The following CNTNAP5 variants were observed in gnomAD, a reference collection of about 807,000 sequenced individuals.
The protein encoded by CNTNAP5 is contactin associated protein family member 5, also known as contactin-associated protein-like 5.
In CNTNAP5, 72 loss-of-function variants were observed where a neutral mutation model predicts 150.2. The ratio of observed to expected loss-of-function variants is 0.48; its 90% CI spans 0.40 to 0.58. CNTNAP5 has a LOEUF of 0.58. Ranked by LOEUF, CNTNAP5 falls within the 20% of genes least tolerant of loss-of-function variation. CNTNAP5 has a pLI of 0.00. For missense variants in CNTNAP5, 1,636 were observed against 1,626.2 expected (o/e 1.01, Z -0.10); for synonymous variants, 672 against 619.8 (o/e 1.08, Z -1.25).
chr2:124,085,193 T>C (rs898883503), intron 1 of CNTNAP5, among the ~76,000 whole-genome samples: 5 of 152,186 alleles, frequency 3.3e-5, no homozygotes, highest in African/African-American at 1.2e-4. Flanking sequence ...GTGCTGGGAT[T>C]ATAGGCATGA....
chr2:124,527,258 T>A (rs529698269), intron 9 of CNTNAP5, 27 bp from the exon 10 acceptor site: 1 of 1,601,096 alleles, frequency 6.2e-7, no homozygotes, highest in African/African-American at 1.3e-5. Context: ...TCAGCATTCT[T>A]CTTCATCTTT....
chr2:124,184,637 A>C (rs1685289594), intron 1 of CNTNAP5, among the ~76,000 whole-genome samples: 1 of 152,190 alleles, frequency 6.6e-6, no homozygotes, highest in Non-Finnish European at 1.5e-5. Context: ...ACCTATTAAA[A>C]TCTGCATTCA....
intron 3 of CNTNAP5, among the ~76,000 whole-genome samples, chr2:124,384,204 C>G (rs1396812238): frequency 3.9e-5 from 6 of 152,234 alleles, no homozygotes; most frequent in African/African-American, 1.4e-4. Flanking sequence ...TAATGAAGGT[C>G]AGATTTTTAT....
intron 12 of CNTNAP5, among the ~76,000 whole-genome samples, chr2:124,621,923 A>G (rs1677622982): frequency 6.6e-6 from 1 of 152,168 alleles, no homozygotes; most frequent in South Asian, 2.1e-4. Flanking sequence ...CTCCTTGCAG[A>G]TTCCTGTTTG....
chr2:124,598,677 T>C (rs1384581275), intron 11 of CNTNAP5, among the ~76,000 whole-genome samples: 3 of 151,610 alleles, frequency 2.0e-5, no homozygotes, highest in Admixed American at 6.6e-5. Flanking sequence ...TCCACCCAGT[T>C]TGAGCTTCCC....
Position 124,211,837 on chromosome 2 carries a change from C to A in CNTNAP5, c.83-9868C>A, listed in dbSNP as rs60733522. Among the ~76,000 whole-genome samples the A allele has an allele frequency of 8.2e-3, 1,244 of 152,172 alleles. 16 individuals carry two copies. Among genetic ancestry groups the A allele is most frequent in the African/African-American group, 0.023 (939 of 41,520 alleles). The stretch of plus-strand genomic sequence containing the variant: ...TAGAATCATTATGCCTAGACCCATG[C>A]AAGATGAAAAAGGTTTATGAATGTG... On this transcript the variant is annotated intron_variant, in intron 1 of 23. Coordinates refer to ENST00000682447, the MANE Select transcript of CNTNAP5 (RefSeq NM_001367498.1).
chr2:124,916,018 A>C lies in CNTNAP5; in HGVS notation c.*1730A>C, dbSNP rs1413213409. ...ACATTCCAACTTGTGCTTAGGGTAC[A>C]CTGTCTCTCGCCTCTCACAATGAGG... is the stretch of plus-strand genomic sequence containing the variant. On this transcript the variant is annotated 3_prime_UTR_variant, in exon 24 of 24. Transcript: ENST00000682447. 6.6e-6 allele frequency among the ~76,000 whole-genome samples: 1 copy of C among 152,058 alleles called. No individual in the cohort carries two copies. Among genetic ancestry groups the C allele is most frequent in the Non-Finnish European group, 1.5e-5 (1 of 67,984 alleles).
At chr2:124,444,145 C>T (rs549590803) in intron 5 of CNTNAP5, among the ~76,000 whole-genome samples, 106 of 152,138 alleles carry the variant, frequency 7.0e-4, no homozygotes, top group African/African-American at 2.5e-3. Context: ...GAGGCCACCT[C>T]CTGCCAACGC....
chr2:124,809,331 T>A (rs78090562), intron 19 of CNTNAP5, among the ~76,000 whole-genome samples: 3,176 of 152,188 alleles, frequency 0.021, 108 homozygotes, highest in African/African-American at 0.072. Flanking sequence ...AACAACATAA[T>A]ATCTTCAGCT....
intron 11 of CNTNAP5, among the ~76,000 whole-genome samples, chr2:124,599,751 G>C (rs1226371680): frequency 6.6e-6 from 1 of 151,994 alleles, no homozygotes; most frequent in Non-Finnish European, 1.5e-5. Context: ...TTTGTTTTTG[G>C]AGATGGAGTA....
chr2:124,270,468 C>T lies in CNTNAP5; in HGVS notation c.381+28075C>T, dbSNP rs147996621. ...TGAGGATGAAATGACAAAAATAAAG[C>T]TCCTAGGTCAGGGGCTGGCAGGAGG... On this transcript the variant is annotated intron_variant, in intron 3 of 23. Coordinates refer to ENST00000682447, the MANE Select transcript of CNTNAP5 (RefSeq NM_001367498.1). 5.9e-4 allele frequency among the ~76,000 whole-genome samples: 90 copies of T among 152,268 alleles called. 3 individuals carry two copies. The highest frequency in any genetic ancestry group is 2.7e-3 in the Admixed American group (42 of 15,290).
intron 3 of CNTNAP5, among the ~76,000 whole-genome samples, chr2:124,373,383 A>C (rs1690575667): frequency 1.3e-5 from 2 of 152,170 alleles, no homozygotes; most frequent in South Asian, 4.1e-4. Context: ...GGGAATTATA[A>C]AAGAAACAGA....
chr2:124,826,522 T>C (rs1682595951), intron 19 of CNTNAP5, among the ~76,000 whole-genome samples: 1 of 152,126 alleles, frequency 6.6e-6, no homozygotes, highest in South Asian at 2.1e-4. Flanking sequence ...AGAATAAGTT[T>C]CCCTCTTCTC....
At chr2:124,861,576 A>G (rs1435968676) in intron 19 of CNTNAP5, among the ~76,000 whole-genome samples, 1 of 152,058 alleles carries the variant, frequency 6.6e-6, no homozygotes, top group Non-Finnish European at 1.5e-5. Flanking sequence ...TGGCAGAGTG[A>G]GACTCCATCT....
chr2:124,203,239 C>T (rs945198177), intron 1 of CNTNAP5, among the ~76,000 whole-genome samples: 3 of 152,192 alleles, frequency 2.0e-5, no homozygotes, highest in Non-Finnish European at 4.4e-5. Context: ...TCTCCTTTGA[C>T]TCCATGTCTC....
intron 13 of CNTNAP5, among the ~76,000 whole-genome samples, chr2:124,664,835 T>C (rs1678664902): frequency 1.3e-5 from 2 of 152,192 alleles, no homozygotes; most frequent in South Asian, 4.1e-4. Flanking sequence ...TACAGGCATG[T>C]GCCACCATGC....
intron 13 of CNTNAP5, among the ~76,000 whole-genome samples, chr2:124,669,488 G>C (rs1035405756): frequency 1.3e-5 from 2 of 152,196 alleles, no homozygotes; most frequent in African/African-American, 4.8e-5. Context: ...GAAGGTCTTA[G>C]GGCTCAGCCC....
chr2:124,914,246 G>T lies in CNTNAP5; in HGVS notation c.3882G>T (p.Leu1294Phe). Reference protein sequence around the residue: ...LDSSFRNEIDLQNTVSECKRE... With the variant: ...LDSSFRNEIDFQNTVSECKRE... ...GTTCCTTCAGAAATGAAATTGACTT[G>T]CAAAACACAGTGAGCGAGTGTAAAC... Residue 1294 changes from leucine to phenylalanine, a missense_variant, in exon 24 of 24, where the codon TTG (leucine) becomes TTT (phenylalanine). Leu to Phe is a conservative substitution (Grantham distance 22). Coordinates refer to ENST00000682447, the MANE Select transcript of CNTNAP5 (RefSeq NM_001367498.1). 3 of 1,612,420 alleles carry T rather than the reference G, an allele frequency of 1.9e-6. No homozygotes were observed. The highest frequency in any genetic ancestry group is 2.5e-6 in the Non-Finnish European group (3 of 1,178,950).
intron 3 of CNTNAP5, among the ~76,000 whole-genome samples, chr2:124,394,007 T>G (rs1210469502): frequency 1.3e-5 from 2 of 152,180 alleles, no homozygotes; most frequent in South Asian, 4.1e-4. Flanking sequence ...TTATATAAAA[T>G]ATCAGTCATC....
Sources: allele counts gnomAD v4.1 joint callset (sites outside exome capture counted in the v4.1 genomes callset), GRCh38; gene constraint gnomAD v4.1.1; transcripts MANE v1.5; gene names NCBI Gene and HGNC (gene_info 2026-07-23, HGNC 2026-07-21).